Variants in SLC35F3 observed in about 807,000 individuals in gnomAD.
The protein encoded by SLC35F3 is solute carrier family 35 member F3, also known as putative thiamine transporter SLC35F3.
In SLC35F3, 25 loss-of-function variants were observed where a neutral mutation model predicts 49.9. The observed-to-expected ratio is 0.50, with a 90% confidence interval of 0.37 to 0.70. The LOEUF is 0.70. SLC35F3 is among the 30% of genes least tolerant of loss of function. The probability of loss-of-function intolerance (pLI) is 0.00; values close to 1 mark genes in which losing one functional copy is unlikely to be tolerated. For missense variants in SLC35F3, 525 were observed against 639.8 expected, an observed-to-expected ratio of 0.82 and a Z score of 1.94; for synonymous variants, 275 against 265.4, an observed-to-expected ratio of 1.04 and a Z score of -0.35.
chr1:234,047,698 TAC>T (rs5781776), intron 2 of SLC35F3, among the ~76,000 whole-genome samples: 32,502 of 151,182 alleles, frequency 0.21, 6,772 homozygotes, highest in African/African-American at 0.53. Context: ...CACACATACA[TAC>T]ACACACACAC....
chr1:233,984,067 T>G (rs1215446287), intron 2 of SLC35F3, among the ~76,000 whole-genome samples: 1 of 152,190 alleles, frequency 6.6e-6, no homozygotes, highest in African/African-American at 2.4e-5. Flanking sequence ...ATGTTTCTCC[T>G]CTATGCTTTC....
At position 234,075,666 on chromosome 1, in the gene SLC35F3, G is replaced by A. The variant is rs114472195; in HGVS notation, c.284-155751G>A. On this transcript the variant is annotated intron_variant, in intron 2 of 7. Coordinates refer to ENST00000366618, the MANE Select transcript of SLC35F3 (RefSeq NM_173508.4). The stretch of plus-strand genomic sequence containing the variant: ...AAAATAGCTTATTATCTAGGTAGTG[G>A]TGTGAAATCTGGAGAACGTTAAGGA... Among the ~76,000 whole-genome samples, 1,512 of 152,286 alleles carry A rather than the reference G, an allele frequency of 9.9e-3. 13 individuals carry two copies. The highest frequency in any genetic ancestry group is 0.015 in the Non-Finnish European group (1,037 of 68,014).
At chr1:234,065,227 A>G (rs1392306434) in intron 2 of SLC35F3, among the ~76,000 whole-genome samples, 1 of 152,164 alleles carries the variant, frequency 6.6e-6, no homozygotes, top group East Asian at 1.9e-4. Context: ...GCTTACTGCA[A>G]CTTCGGCCTC....
At chr1:233,970,681 A>G (rs1662977577) in intron 2 of SLC35F3, among the ~76,000 whole-genome samples, 1 of 152,194 alleles carries the variant, frequency 6.6e-6, no homozygotes, top group South Asian at 2.1e-4. Flanking sequence ...TTGTGTCTTA[A>G]TAAGAAGAGA....
chr1:234,108,270 AAAG>A (rs1348509767), intron 2 of SLC35F3, among the ~76,000 whole-genome samples: 3 of 45,880 alleles, frequency 6.5e-5, no homozygotes, highest in Admixed American at 2.4e-4. Context: ...TATATATATA[AAAG>A]ATATATATTA....
chr1:234,215,822 A>G (rs1667113333), intron 2 of SLC35F3, among the ~76,000 whole-genome samples: 1 of 152,192 alleles, frequency 6.6e-6, no homozygotes, highest in Non-Finnish European at 1.5e-5. Context: ...GAGCACTGTG[A>G]GGCCCAGCAA....
chr1:234,030,395 C>G (rs1317587896), intron 2 of SLC35F3, among the ~76,000 whole-genome samples: 1 of 152,154 alleles, frequency 6.6e-6, no homozygotes, highest in Non-Finnish European at 1.5e-5. Flanking sequence ...ACAGCTCATT[C>G]AGTACAGAGG....
Position 234,231,788 on chromosome 1 carries a change from A to G in SLC35F3, c.608+47A>G, listed in dbSNP as rs1210363509. On this transcript the variant is annotated intron_variant, in intron 3 of 7. Transcript: ENST00000366618. The surrounding 1 kb of genome is among the most constrained non-coding windows in gnomAD (Gnocchi z 5.4). Reference sequence around the variant, plus strand: ...AGGCCTCCTGACCCCGGGCTGCTCCATCCAGCGCTGACTCTGCAGAGCTGC... The same window carrying G: ...AGGCCTCCTGACCCCGGGCTGCTCCGTCCAGCGCTGACTCTGCAGAGCTGC... The G allele has an allele frequency of 1.3e-6, 2 of 1,541,436 alleles. No homozygotes were observed. Among genetic ancestry groups the G allele is most frequent in the Non-Finnish European group, 1.8e-6 (2 of 1,134,034 alleles).
At chr1:233,932,654 G>C (rs1447841478) in intron 2 of SLC35F3, among the ~76,000 whole-genome samples, 1 of 152,130 alleles carries the variant, frequency 6.6e-6, no homozygotes, top group Non-Finnish European at 1.5e-5. Flanking sequence ...CTCTTAAAAA[G>C]GTGGTATTTA....
intron 3 of SLC35F3, among the ~76,000 whole-genome samples, chr1:234,251,649 G>A (rs1236307112): frequency 1.3e-5 from 2 of 152,056 alleles, no homozygotes; most frequent in African/African-American, 4.8e-5. Context: ...CCAAATGTTT[G>A]TTTTAGGAAA....
chr1:234,016,986 T>G (rs1663810468), intron 2 of SLC35F3, among the ~76,000 whole-genome samples: 1 of 152,212 alleles, frequency 6.6e-6, no homozygotes, highest in South Asian at 2.1e-4. Context: ...GCTCTGTTAT[T>G]AACTTGGGCA....
chr1:234,284,611 T>C (rs1411174589), intron 3 of SLC35F3, among the ~76,000 whole-genome samples: 3 of 152,234 alleles, frequency 2.0e-5, no homozygotes, highest in Non-Finnish European at 2.9e-5. Context: ...TTGATTGTGA[T>C]CGTGCCTCTT....
intron 2 of SLC35F3, among the ~76,000 whole-genome samples, chr1:234,078,148 C>A (rs1319876605): frequency 6.6e-6 from 1 of 152,196 alleles, no homozygotes; most frequent in Non-Finnish European, 1.5e-5. Context: ...CCTGTGCATT[C>A]ATCTTTTTCC....
chr1:234,313,682 C>T (rs1657414433), intron 4 of SLC35F3, among the ~76,000 whole-genome samples: 4 of 151,984 alleles, frequency 2.6e-5, no homozygotes, highest in African/African-American at 9.7e-5. Flanking sequence ...GATTCCACAC[C>T]CACCCTTAGC....
intron 2 of SLC35F3, among the ~76,000 whole-genome samples, chr1:233,906,217 G>A (rs957290953): frequency 1.3e-5 from 2 of 152,156 alleles, no homozygotes; most frequent in Non-Finnish European, 2.9e-5. Flanking sequence ...TGATGATAGA[G>A]GACAATTCTT....
In SLC35F3 at chr1:233,940,174, A is replaced by G. The variant is rs368777579; in HGVS notation, c.283+34416A>G. Among the ~76,000 whole-genome samples the G allele has an allele frequency of 7.2e-5, 11 of 152,220 alleles. No individual in the cohort carries two copies. In the East Asian group the frequency reaches 7.7e-4, roughly 11 times the overall value. ...GCGGTTTGCCTTTTTCACTTAATCT[A>G]TGTATGCATATATTATTATGTATGC... On this transcript the variant is annotated intron_variant, in intron 2 of 7. Coordinates refer to ENST00000366618, the MANE Select transcript of SLC35F3 (RefSeq NM_173508.4).
intron 2 of SLC35F3, among the ~76,000 whole-genome samples, chr1:234,016,032 A>G (rs1190216907): frequency 6.6e-6 from 1 of 152,242 alleles, no homozygotes; most frequent in Non-Finnish European, 1.5e-5. Flanking sequence ...AATGCCCAAG[A>G]GATATGTTTT....
chr1:233,939,669 A>G (rs1300639499), intron 2 of SLC35F3, among the ~76,000 whole-genome samples: 1 of 152,102 alleles, frequency 6.6e-6, no homozygotes, highest in Non-Finnish European at 1.5e-5. Context: ...TAGCTGAGAG[A>G]TGTCAGAGTG....
rs16842524 is a variant in SLC35F3 at position 234,082,435 on chromosome 1, T to C, written c.284-148982T>C. Among the ~76,000 whole-genome samples the C allele has an allele frequency of 0.029, 4,468 of 152,044 alleles. 411 individuals are homozygous for C. The East Asian group carries it at 0.33, about 11-fold the overall frequency. ...CTAGACAGAGCAGTGTGATAAAGAG[T>C]GTTTGCTTGTTTTTTGGTTTTACAT... is the stretch of plus-strand genomic sequence containing the variant. On this transcript the variant is annotated intron_variant, in intron 2 of 7. Transcript: ENST00000366618.
Sources: gnomAD v4.1 joint callset for allele counts (sites outside exome capture counted in the v4.1 genomes callset) on GRCh38, gnomAD v4.1.1 for gene constraint, Gnocchi (gnomAD v3.1) non-coding constraint, MANE v1.5 for transcripts, NCBI Gene and HGNC (gene_info 2026-07-23, HGNC 2026-07-21) for gene names.